DCC: variants seen among roughly 807,000 people sequenced by gnomAD.
The protein encoded by DCC is netrin receptor DCC.
DCC carries 58 observed loss-of-function variants against 172.5 expected under a neutral mutation model. The ratio of observed to expected loss-of-function variants is 0.34; its 90% confidence interval spans 0.27 to 0.42. The LOEUF is 0.42. Among genes scored for constraint, DCC ranks in the 10% least tolerant of loss-of-function variants. The probability of loss-of-function intolerance (pLI) is 1.00; values close to 1 mark genes in which losing one functional copy is unlikely to be tolerated. For synonymous variants in DCC, 709 were observed against 644.5 expected (o/e 1.10, Z -1.52); for missense variants, 1,740 against 1,791.0 (o/e 0.97, Z 0.51).
intron 2 of DCC, among the ~76,000 whole-genome samples, chr18:52,856,475 A>T (rs975817013): frequency 2.0e-5 from 3 of 151,408 alleles, no homozygotes; most frequent in African/African-American, 7.3e-5. Flanking sequence ...AAATACAAAA[A>T]AATAGCCGGG....
At chr18:53,189,554 T>C (rs2055335876) in intron 9 of DCC, among the ~76,000 whole-genome samples, 1 of 152,274 alleles carries the variant, frequency 6.6e-6, no homozygotes, top group Non-Finnish European at 1.5e-5. Context: ...AAGCTATATT[T>C]TTCATTTTAA....
At chr18:53,397,239 TTA>T (rs1164023407) in intron 17 of DCC, 67 bp from the exon 18 acceptor site, 28 of 1,442,688 alleles carry the variant, frequency 1.9e-5, no homozygotes, top group Non-Finnish European at 2.6e-5. Flanking sequence ...AATAGTCTTT[TTA>T]TATGTCTTGA....
chr18:53,314,833 G>A (rs888848421), intron 13 of DCC, among the ~76,000 whole-genome samples: 1 of 152,106 alleles, frequency 6.6e-6, no homozygotes, highest in East Asian at 1.9e-4. Context: ...AGATGTAATA[G>A]AAAGGAAGAT....
intron 5 of DCC, among the ~76,000 whole-genome samples, chr18:52,957,990 T>C (rs2040774244): frequency 6.6e-6 from 1 of 152,104 alleles, no homozygotes; most frequent in Non-Finnish European, 1.5e-5. Context: ...GGAACACCAA[T>C]AAGGCTATTG....
At chr18:52,463,898 G>A (rs892677995) in intron 1 of DCC, among the ~76,000 whole-genome samples, 3 of 152,140 alleles carry the variant, frequency 2.0e-5, no homozygotes, top group Admixed American at 1.3e-4. Flanking sequence ...GTCATTAGAA[G>A]CCTTGGACAT....
chr18:53,160,608 T>C (rs1012736348), intron 8 of DCC, among the ~76,000 whole-genome samples: 2 of 152,198 alleles, frequency 1.3e-5, no homozygotes, highest in African/African-American at 2.4e-5. Flanking sequence ...ACTGGGCTGA[T>C]TCGTCTCACT....
intron 2 of DCC, among the ~76,000 whole-genome samples, chr18:52,898,321 G>A (rs2039762023): frequency 6.6e-6 from 1 of 152,202 alleles, no homozygotes; most frequent in South Asian, 2.1e-4. Flanking sequence ...CAAATCGGAA[G>A]AATGTGCCAT....
chr18:52,595,177 A>C (rs1055141467), intron 1 of DCC, among the ~76,000 whole-genome samples: 1 of 152,166 alleles, frequency 6.6e-6, no homozygotes, highest in Non-Finnish European at 1.5e-5. Context: ...AAGCACAAAA[A>C]CTTACAGGCA....
At chr18:52,598,026 G>T (rs576316682) in intron 1 of DCC, among the ~76,000 whole-genome samples, 1 of 152,236 alleles carries the variant, frequency 6.6e-6, no homozygotes, top group African/African-American at 2.4e-5. Context: ...TGCATGTTAG[G>T]CAGTATAACG....
At chr18:53,208,287 ATATATATG>A (rs1385437417) in intron 11 of DCC, among the ~76,000 whole-genome samples, 5 of 151,708 alleles carry the variant, frequency 3.3e-5, no homozygotes, top group Admixed American at 6.6e-5. Flanking sequence ...AATTAAATAA[ATATATATG>A]TATATATGTA....
At chr18:52,620,247 G>T (rs530751055) in intron 1 of DCC, among the ~76,000 whole-genome samples, 1 of 152,312 alleles carries the variant, frequency 6.6e-6, no homozygotes, top group South Asian at 2.1e-4. Flanking sequence ...AAGGGAGGAG[G>T]TTGGACAGTT....
At chr18:53,326,403 T>G (rs2057468869) in intron 14 of DCC, among the ~76,000 whole-genome samples, 1 of 152,210 alleles carries the variant, frequency 6.6e-6, no homozygotes, top group Non-Finnish European at 1.5e-5. Flanking sequence ...CCTTCTCAAT[T>G]TATTGATCCA....
At chr18:52,533,113 A>G (rs1034728601) in intron 1 of DCC, among the ~76,000 whole-genome samples, 1 of 152,174 alleles carries the variant, frequency 6.6e-6, no homozygotes, top group African/African-American at 2.4e-5. Context: ...GCCATTTTAC[A>G]GAGAGGTCAT....
chr18:53,300,144 G>C (rs986625818), intron 12 of DCC, among the ~76,000 whole-genome samples: 1 of 152,090 alleles, frequency 6.6e-6, no homozygotes, highest in African/African-American at 2.4e-5. Context: ...ATTAGTAAAA[G>C]ATTTTTATTA....
chr18:53,334,732 C>T (rs978853520), intron 14 of DCC, among the ~76,000 whole-genome samples: 1 of 152,178 alleles, frequency 6.6e-6, no homozygotes, highest in African/African-American at 2.4e-5. Flanking sequence ...TGCCAAGGCT[C>T]CTGCATCTTG....
chr18:53,416,059 G>A, intron 20 of DCC, 65 bp from the exon 21 acceptor site: 1 of 1,196,756 alleles, frequency 8.4e-7, no homozygotes, highest in Non-Finnish European at 1.2e-6. Context: ...CTGTTGGTTT[G>A]ATATGTCAGC....
chr18:52,492,159 A>G (rs961914030), intron 1 of DCC, among the ~76,000 whole-genome samples: 2 of 151,968 alleles, frequency 1.3e-5, no homozygotes, highest in Non-Finnish European at 2.9e-5. Flanking sequence ...GGAAATTTGC[A>G]TTCATTAGAT....
At chr18:52,753,899 T>TC (rs1385228749) in intron 2 of DCC, among the ~76,000 whole-genome samples, 3 of 150,738 alleles carry the variant, frequency 2.0e-5, no homozygotes, top group Non-Finnish European at 4.4e-5. Flanking sequence ...AAAACCTGTC[T>TC]TTTTTTTTAA....
chr18:53,299,666 G>A (rs1380707776), intron 12 of DCC, among the ~76,000 whole-genome samples: 1 of 152,060 alleles, frequency 6.6e-6, no homozygotes, highest in African/African-American at 2.4e-5. Context: ...TTATTTACAT[G>A]TTTACCACAT....
Sources: allele counts gnomAD v4.1 joint callset (sites outside exome capture counted in the v4.1 genomes callset), GRCh38; gene constraint gnomAD v4.1.1; transcripts MANE v1.5; gene names NCBI Gene and HGNC (gene_info 2026-07-23, HGNC 2026-07-21).